The following EXOC4 variants were observed in gnomAD, a reference collection of about 807,000 sequenced individuals.
The protein encoded by EXOC4 is SEC8-like 1.
A neutral mutation model predicts 107.2 loss-of-function variants in EXOC4; 71 were observed. The ratio of observed to expected loss-of-function variants is 0.66; its 90% CI spans 0.55 to 0.81. The LOEUF is 0.81. Ranked by LOEUF, EXOC4 falls within the 30% of genes least tolerant of loss-of-function variation. The pLI, the probability that EXOC4 is intolerant of heterozygous loss-of-function variation, is 0.00. For synonymous variants in EXOC4, 456 were observed against 441.2 expected (o/e 1.03, Z -0.42); for missense variants, 1,108 against 1,189.6 (o/e 0.93, Z 1.01).
At chr7:133,596,119 T>G (rs1801665047) in intron 9 of EXOC4, among the ~76,000 whole-genome samples, 1 of 152,256 alleles carries the variant, frequency 6.6e-6, no homozygotes. Context: ...CTTTCTCTCA[T>G]TTCACAGCCT....
At chr7:133,632,164 GT>G (rs767642689) in intron 10 of EXOC4, among the ~76,000 whole-genome samples, 99 of 152,214 alleles carry the variant, frequency 6.5e-4, no homozygotes, top group Non-Finnish European at 8.2e-4. Flanking sequence ...ATGTATTACA[GT>G]TCTTGACAGC....
intron 10 of EXOC4, among the ~76,000 whole-genome samples, chr7:133,757,683 T>C (rs755414596): frequency 6.6e-6 from 1 of 152,248 alleles, no homozygotes; most frequent in Non-Finnish European, 1.5e-5. Context: ...TTCGTATATC[T>C]GGATTCACCT....
intron 14 of EXOC4, 82 bp from the exon 15 acceptor site, chr7:133,997,410 A>G: frequency 6.6e-7 from 1 of 1,521,076 alleles, no homozygotes; most frequent in Non-Finnish European, 9.0e-7. Flanking sequence ...TAAAAACAAG[A>G]TGAACAGCAA....
chr7:133,426,171 T>C (rs1209068346), intron 7 of EXOC4, among the ~76,000 whole-genome samples: 1 of 152,218 alleles, frequency 6.6e-6, no homozygotes, highest in African/African-American at 2.4e-5. Flanking sequence ...TTTCTGTTTC[T>C]GGTAATGATG....
At chr7:133,270,758 A>G (rs1053336975) in intron 1 of EXOC4, among the ~76,000 whole-genome samples, 2 of 152,198 alleles carry the variant, frequency 1.3e-5, no homozygotes, top group Non-Finnish European at 2.9e-5. Flanking sequence ...AGAGAGGTTC[A>G]TGACCTGGCT....
chr7:133,496,557 G>A lies in EXOC4; in HGVS notation c.1417+16419G>A, dbSNP rs114339462. On this transcript the variant is annotated intron_variant, in intron 9 of 17. Transcript: ENST00000253861. ...CAGTTTCTACCCAGAATTCTTTAGCGGCTTTTCTTACTAGAAATCACCTAC... is the reference window on the plus strand; with the variant it reads ...CAGTTTCTACCCAGAATTCTTTAGCAGCTTTTCTTACTAGAAATCACCTAC... Among the ~76,000 whole-genome samples, 931 of 152,248 alleles carry A rather than the reference G, an allele frequency of 6.1e-3. 12 individuals carry two copies. Among genetic ancestry groups the A allele is most frequent in the African/African-American group, 0.021 (883 of 41,544 alleles).
intron 10 of EXOC4, among the ~76,000 whole-genome samples, chr7:133,807,909 T>C (rs1417879861): frequency 6.6e-6 from 1 of 152,202 alleles, no homozygotes; most frequent in Non-Finnish European, 1.5e-5. Context: ...ACAAATCACT[T>C]GCAATATACT....
chr7:133,835,163 A>G (rs1797892511), intron 11 of EXOC4, among the ~76,000 whole-genome samples: 1 of 152,202 alleles, frequency 6.6e-6, no homozygotes, highest in South Asian at 2.1e-4. Context: ...GAACTAATAC[A>G]GCGAAAAATA....
chr7:133,987,541 G>T (rs138147717), intron 14 of EXOC4, among the ~76,000 whole-genome samples: 1 of 152,142 alleles, frequency 6.6e-6, no homozygotes, highest in East Asian at 1.9e-4. Context: ...TCCCAAGTTA[G>T]AGTAGAAAAC....
At position 133,332,165 on chromosome 7, in the gene EXOC4, C is replaced by T. The variant is rs553736296; in HGVS notation, c.763+14775C>T. On this transcript the variant is annotated intron_variant, in intron 5 of 17. Transcript: ENST00000253861. Reference sequence around the variant, plus strand: ...TTTATTCATGCTTCTGCTGGGATTTCGTGAATATGACTATAATGAAACTGG... The same window carrying T: ...TTTATTCATGCTTCTGCTGGGATTTTGTGAATATGACTATAATGAAACTGG... Among the ~76,000 whole-genome samples the T allele has an allele frequency of 7.9e-5, 12 of 152,208 alleles. No homozygotes were observed. The East Asian group carries it at 1.3e-3, about 17-fold the overall frequency.
chr7:133,373,232 T>C (rs1796415657), intron 6 of EXOC4, among the ~76,000 whole-genome samples: 1 of 152,214 alleles, frequency 6.6e-6, no homozygotes, highest in African/African-American at 2.4e-5. Context: ...TGTATGTATC[T>C]TTGCTAATAT....
chr7:133,650,393 A>G (rs1803113146), intron 10 of EXOC4, among the ~76,000 whole-genome samples: 1 of 152,092 alleles, frequency 6.6e-6, no homozygotes, highest in Non-Finnish European at 1.5e-5. Flanking sequence ...TTGATCCTCC[A>G]CTGCTAGCAA....
chr7:133,259,130 T>A (rs984236194), intron 1 of EXOC4, among the ~76,000 whole-genome samples: 1 of 152,172 alleles, frequency 6.6e-6, no homozygotes, highest in Admixed American at 6.5e-5. Flanking sequence ...ATACATTTTT[T>A]AAAATATTGC....
At chr7:133,966,681 G>A (rs530919487) in intron 14 of EXOC4, among the ~76,000 whole-genome samples, 6 of 152,302 alleles carry the variant, frequency 3.9e-5, no homozygotes, top group South Asian at 2.1e-4. Context: ...AAGCCAACTC[G>A]ATCATGGTGG....
At chr7:134,058,123 C>T (rs1236630579) in intron 17 of EXOC4, among the ~76,000 whole-genome samples, 1 of 152,172 alleles carries the variant, frequency 6.6e-6, no homozygotes, top group Non-Finnish European at 1.5e-5. Context: ...CACTGCTTCA[C>T]TTGACAACTT....
intron 11 of EXOC4, among the ~76,000 whole-genome samples, chr7:133,826,154 C>G (rs1205330283): frequency 2.6e-5 from 4 of 152,136 alleles, no homozygotes; most frequent in African/African-American, 9.7e-5. Context: ...GTCCAGCACT[C>G]ACCTGTTCAC....
At chr7:133,764,994 T>C (rs900943060) in intron 10 of EXOC4, among the ~76,000 whole-genome samples, 4 of 152,036 alleles carry the variant, frequency 2.6e-5, no homozygotes, top group African/African-American at 9.7e-5. Flanking sequence ...TATGAATCGC[T>C]AGGTAACTAC....
intron 9 of EXOC4, among the ~76,000 whole-genome samples, chr7:133,604,540 A>G (rs1801884096): frequency 6.6e-6 from 1 of 152,000 alleles, no homozygotes; most frequent in African/African-American, 2.4e-5. Context: ...TATGCTGTCC[A>G]TCATTGTCTG....
At chr7:133,302,228 G>C (rs1479541236) in intron 3 of EXOC4, among the ~76,000 whole-genome samples, 1 of 152,106 alleles carries the variant, frequency 6.6e-6, no homozygotes, top group African/African-American at 2.4e-5. Flanking sequence ...TCAATATCAT[G>C]TGATAAAACA....
Sources: allele counts gnomAD v4.1 joint callset (sites outside exome capture counted in the v4.1 genomes callset), GRCh38; gene constraint gnomAD v4.1.1; transcripts MANE v1.5; gene names NCBI Gene and HGNC (gene_info 2026-07-23, HGNC 2026-07-21).